Variants in CABP1 observed in about 807,000 individuals in gnomAD.
CABP1 encodes calcium binding protein 1, also known as calcium-binding protein 1.
CABP1 carries 17 observed loss-of-function variants against 34.3 expected under a neutral mutation model. The ratio of observed to expected loss-of-function variants is 0.50; its 90% CI spans 0.34 to 0.74. CABP1 has a LOEUF of 0.74. Ranked by LOEUF, CABP1 falls within the 30% of genes least tolerant of loss-of-function variation. The pLI, the probability that CABP1 is intolerant of heterozygous loss-of-function variation, is 0.01. For synonymous variants in CABP1, 198 were observed against 229.2 expected (o/e 0.86, Z 1.23); for missense variants, 373 against 511.1 (o/e 0.73, Z 2.61).
intron 1 of CABP1, among the ~76,000 whole-genome samples, chr12:120,648,031 C>T (rs1263928888): frequency 1.3e-5 from 2 of 152,202 alleles, no homozygotes; most frequent in Non-Finnish European, 2.9e-5. Flanking sequence ...TGCCAGTCTA[C>T]AGCCAGCATT....
intron 1 of CABP1, chr12:120,656,129 C>T: frequency 6.2e-7 from 1 of 1,614,190 alleles, no homozygotes; most frequent in African/African-American, 1.3e-5. Flanking sequence ...CATGGTGGTG[C>T]AGACGAGCGA....
At position 120,641,254 on chromosome 12, in the gene CABP1, G is replaced by A; in HGVS notation, c.569G>A (p.Arg190His). Residue 190 changes from arginine to histidine, a missense_variant, in exon 1 of 6, where the codon CGC becomes CAC. Arg to His is a conservative substitution (Grantham distance 29, BLOSUM62 0). Around this residue, in one of 4 missense-constraint regions of CABP1, gnomAD observed 121 missense variants for 125.5 expected, o/e 0.96. Transcript: ENST00000316803. This position sits in a 1 kb window ranked among gnomAD's most constrained non-coding sequence, Gnocchi z 6.7. Reference protein sequence around the residue: ...GLRGSLRARGRGDSVPAAASE... With the variant: ...GLRGSLRARGHGDSVPAAASE... ...CGGGGCTCTCTGCGAGCCCGGGGCC[G>A]CGGGGACTCCGTTCCAGCCGCCGCG... 1.5e-6 allele frequency: 2 copies of A among 1,291,636 alleles called. No individual in the cohort carries two copies. The highest frequency in any genetic ancestry group is 3.1e-5 in the East Asian group (1 of 32,044). The allele number at this position is 1,291,636 out of a possible 1,614,324, so 80.0% of individuals were successfully genotyped here. A position where few individuals can be genotyped will look rare whatever the true frequency, so the allele number is the denominator to read the frequency against.
At chr12:120,673,337 C>T in the CABP1 span, among the ~76,000 whole-genome samples, 3 of 152,048 alleles carry the variant, frequency 2.0e-5, no homozygotes, top group Non-Finnish European at 2.9e-5. Flanking sequence ...GTAATCCCAG[C>T]GCTTTGGGAG....
In CABP1 at chr12:120,641,021, C is replaced by T; in HGVS notation, c.336C>T (p.Ser112=). ...PGSCPATPQS[S]GDPSSRRPLC... Reference sequence around the variant, plus strand: ...CCTGCCCGGCGACGCCGCAGTCGTCCGGGGACCCCAGTTCGCGGAGGCCCC... The same window carrying T: ...CCTGCCCGGCGACGCCGCAGTCGTCTGGGGACCCCAGTTCGCGGAGGCCCC... Residue 112 remains serine, a synonymous_variant, in exon 1 of 6, where the codon TCC becomes TCT. Transcript: ENST00000316803. The surrounding 1 kb of genome is among the most constrained non-coding windows in gnomAD (Gnocchi z 6.7). 8 of 1,172,534 alleles carry T rather than the reference C, an allele frequency of 6.8e-6. No individual in the cohort carries two copies. The highest frequency in any genetic ancestry group is 8.4e-6 in the Non-Finnish European group (8 of 950,080). 72.6% of individuals were successfully genotyped at this position (1,172,534 alleles called of 1,614,324 possible). A position where few individuals can be genotyped will look rare whatever the true frequency, so the allele number is the denominator to read the frequency against.
At chr12:120,666,473 CAAAAAAAAAAAA>C (rs55848637) in intron 5 of CABP1, among the ~76,000 whole-genome samples, 2 of 81,132 alleles carry the variant, frequency 2.5e-5, no homozygotes, top group African/African-American at 4.9e-5. Flanking sequence ...GACTCCATCT[CAAAAAAAAAAAA>C]AAAAAAAAAA....
intron 5 of CABP1, among the ~76,000 whole-genome samples, chr12:120,663,581 G>T (rs1880790050): frequency 6.6e-6 from 1 of 152,024 alleles, no homozygotes; most frequent in South Asian, 2.1e-4. Flanking sequence ...CAGCCTCAAA[G>T]ACTTTCTTTT....
the CABP1 span, among the ~76,000 whole-genome samples, chr12:120,678,677 A>G: frequency 6.6e-6 from 1 of 152,168 alleles, no homozygotes; most frequent in Non-Finnish European, 1.5e-5. Context: ...TAAGAAGTGG[A>G]GCTAGGCTTT....
intron 1 of CABP1, among the ~76,000 whole-genome samples, chr12:120,647,176 G>A (rs945952190): frequency 5.9e-5 from 9 of 152,146 alleles, no homozygotes; most frequent in Non-Finnish European, 1.2e-4. Context: ...GCCACGCTTG[G>A]CCCTTTAATA....
chr12:120,671,446 G>T (rs1346607665), downstream of CABP1, among the ~76,000 whole-genome samples: 1 of 152,230 alleles, frequency 6.6e-6, no homozygotes, highest in Non-Finnish European at 1.5e-5. Flanking sequence ...CGAGGTAAGG[G>T]AGAGTGTGGC....
At chr12:120,648,859 C>G in intron 1 of CABP1, among the ~76,000 whole-genome samples, 1 of 147,158 alleles carries the variant, frequency 6.8e-6, no homozygotes, top group Non-Finnish European at 1.5e-5. Context: ...CCAGCCTGGG[C>G]AACAGAGCAA....
intron 1 of CABP1, chr12:120,655,981 C>T: frequency 3.2e-6 from 5 of 1,561,972 alleles, no homozygotes; most frequent in African/African-American, 1.4e-5. Flanking sequence ...AACCCCGCTC[C>T]TTGACTCTCA....
Position 120,640,648 on chromosome 12 carries a change from G to GGAGCTCC in CABP1, c.-36_-30dup. 8.7e-7 allele frequency: 1 copy of GGAGCTCC among 1,155,272 alleles called. No individual in the cohort carries two copies. Among genetic ancestry groups the GGAGCTCC allele is most frequent in the African/African-American group, 1.6e-5 (1 of 61,574 alleles). 71.6% of individuals were successfully genotyped at this position (1,155,272 alleles called of 1,614,324 possible). Reference sequence around the variant, plus strand: ...CCCAGATCTGCACCGCCAGCCGCCGGGAGCTCCGGGCTCCGGGCGTAGAGG... The same window carrying GGAGCTCC: ...CCCAGATCTGCACCGCCAGCCGCCGGGAGCTCCGAGCTCCGGGCTCCGGGCGTAGAGG... On this transcript the variant is annotated 5_prime_UTR_variant, in exon 1 of 6. Coordinates refer to ENST00000316803, the MANE Select transcript of CABP1 (RefSeq NM_001033677.2). This position sits in a 1 kb window ranked among gnomAD's most constrained non-coding sequence, Gnocchi z 6.2.
chr12:120,641,438 C>G lies in CABP1; in HGVS notation c.654+99C>G, dbSNP rs921564843. 8.5e-7 allele frequency: 1 copy of G among 1,181,156 alleles called. No individual in the cohort carries two copies. Among genetic ancestry groups the G allele is most frequent in the Non-Finnish European group, 1.1e-6 (1 of 940,634 alleles). The allele number at this position is 1,181,156 out of a possible 1,614,324, so 73.2% of individuals were successfully genotyped here. A position where few individuals can be genotyped will look rare whatever the true frequency, so the allele number is the denominator to read the frequency against. ...CAGCCTCCTCCCGCGGCCCGTGGTC[C>G]CCCACGGATCACGCCTCGGCTCACC... On this transcript the variant is annotated intron_variant, in intron 1 of 5. Coordinates refer to ENST00000316803, the MANE Select transcript of CABP1 (RefSeq NM_001033677.2). This position sits in a 1 kb window ranked among gnomAD's most constrained non-coding sequence, Gnocchi z 6.7.
intron 5 of CABP1, among the ~76,000 whole-genome samples, chr12:120,665,991 C>A (rs146128091): frequency 2.0e-5 from 3 of 146,536 alleles, no homozygotes; most frequent in Non-Finnish European, 4.5e-5. Context: ...GCACTCCAGC[C>A]TAGGTGACAG....
chr12:120,670,562 AC>A (rs1328627295), downstream of CABP1, among the ~76,000 whole-genome samples: 22 of 152,072 alleles, frequency 1.4e-4, no homozygotes, highest in Admixed American at 7.9e-4. Context: ...AGCCTGACCA[AC>A]ATGGTGAAAC....
chr12:120,660,232 A>G lies in CABP1; in HGVS notation c.722A>G (p.Lys241Arg). Residue 241 changes from lysine to arginine, a missense_variant, in exon 3 of 6, where the codon AAG (lysine) becomes AGG (arginine). Around this residue, in one of 4 missense-constraint regions of CABP1, gnomAD observed 109 missense variants for 204.8 expected, o/e 0.53. Coordinates refer to ENST00000316803, the MANE Select transcript of CABP1 (RefSeq NM_001033677.2). This position sits in a 1 kb window ranked among gnomAD's most constrained non-coding sequence, Gnocchi z 5.0. ...REAFREFDKD[K>R]DGYINCRDLG... is the part of the protein sequence containing the mutation. ...GCCTTCAGAGAATTCGACAAGGACA[A>G]GGATGGCTACATCAACTGCCGGGAT... is the stretch of plus-strand genomic sequence containing the variant. The G allele has an allele frequency of 6.2e-7, 1 of 1,614,210 alleles. No homozygotes were observed. The highest frequency in any genetic ancestry group is 8.5e-7 in the Non-Finnish European group (1 of 1,180,032).
the CABP1 span, among the ~76,000 whole-genome samples, chr12:120,676,433 C>CTT: frequency 2.0e-5 from 3 of 147,592 alleles, no homozygotes; most frequent in Non-Finnish European, 3.0e-5. Flanking sequence ...TCTTCTTCTT[C>CTT]TTTTTTTTTT....
chr12:120,676,111 T>C, the CABP1 span, among the ~76,000 whole-genome samples: 1 of 152,044 alleles, frequency 6.6e-6, no homozygotes, highest in Admixed American at 6.6e-5. Context: ...CCTAGTCTCA[T>C]GGAGATAATA....
chr12:120,651,246 G>A (rs1225932671), intron 1 of CABP1, among the ~76,000 whole-genome samples: 1 of 152,166 alleles, frequency 6.6e-6, no homozygotes, highest in East Asian at 1.9e-4. Flanking sequence ...GGACCCGAGT[G>A]GTTTTAGGGC....
Sources: allele counts gnomAD v4.1 joint callset (sites outside exome capture counted in the v4.1 genomes callset), GRCh38; gene constraint gnomAD v4.1.1; regional missense constraint gnomAD v4.1.1; non-coding constraint Gnocchi (gnomAD v3.1); transcripts MANE v1.5; gene names NCBI Gene and HGNC (gene_info 2026-07-23, HGNC 2026-07-21).